The following ULK2 variants were observed in gnomAD, a reference collection of about 807,000 sequenced individuals.
The protein encoded by ULK2 is unc-51 like autophagy activating kinase 2, also known as serine/threonine-protein kinase ULK2.
In ULK2, 76 loss-of-function variants were observed where a neutral mutation model predicts 127.5. That is an observed-to-expected ratio of 0.60 (90% CI 0.50 to 0.72). ULK2 has a LOEUF of 0.72. ULK2 is among the 30% of genes least tolerant of loss of function. ULK2 has a pLI of 0.00. For synonymous variants in ULK2, 452 were observed against 461.9 expected, an observed-to-expected ratio of 0.98 and a Z score of 0.28; for missense variants, 1,144 against 1,295.9, an observed-to-expected ratio of 0.88 and a Z score of 1.80.
intron 22 of ULK2, 125 bp from the exon 23 acceptor site, chr17:19,782,192 A>T (rs537934673): frequency 2.1e-4 from 222 of 1,073,188 alleles, no homozygotes; most frequent in Admixed American, 2.7e-4. Context: ...TGACAAAAGG[A>T]GATTGAAATT....
intron 10 of ULK2, among the ~76,000 whole-genome samples, chr17:19,828,640 A>G (rs2041354301): frequency 2.0e-5 from 3 of 152,252 alleles, no homozygotes. Context: ...ACAACACTAA[A>G]GAGAGCAGTA....
intron 3 of ULK2, among the ~76,000 whole-genome samples, chr17:19,861,584 A>G (rs1172406731): frequency 1.3e-5 from 2 of 152,226 alleles, no homozygotes; most frequent in Non-Finnish European, 2.9e-5. Context: ...TACTTTCAAA[A>G]CAAAACCTAC....
Position 19,783,865 on chromosome 17 carries a change from A to T in ULK2, c.2292T>A (p.Ser764Arg). The T allele has an allele frequency of 6.4e-7, 1 of 1,569,660 alleles. No individual in the cohort carries two copies. Among genetic ancestry groups the T allele is most frequent in the Non-Finnish European group, 8.6e-7 (1 of 1,158,368 alleles). ...SNSGGSLCAMSGRVCVGSPPG... is the reference protein window; with the variant it reads ...SNSGGSLCAMRGRVCVGSPPG... ...GCGGGGACCCCACGCACACGCGGCC[A>T]CTCATGGCACAAAGAGAGCCCCCGG... is the stretch of plus-strand genomic sequence containing the variant. Residue 764 changes from serine (S) to arginine (R), a missense_variant, in exon 22 of 27, where the codon AGT becomes AGA. Physicochemically the swap from Ser to Arg is moderately radical, Grantham distance 110. Around this residue, in one of 2 missense-constraint regions of ULK2, gnomAD observed 913 missense variants for 970.5 expected, o/e 0.94. Transcript: ENST00000395544.
At chr17:19,830,545 T>G (rs751954882) in intron 10 of ULK2, among the ~76,000 whole-genome samples, 2 of 151,600 alleles carry the variant, frequency 1.3e-5, no homozygotes, top group Admixed American at 6.6e-5. Context: ...GATTATCTTT[T>G]CCAATCACAA....
At chr17:19,846,693 T>A in intron 6 of ULK2, 44 bp downstream of exon 6, 2 of 1,510,192 alleles carry the variant, frequency 1.3e-6, no homozygotes, top group Non-Finnish European at 8.8e-7. Flanking sequence ...CTAAAAATAG[T>A]TTCAAAAAAT....
intron 12 of ULK2, among the ~76,000 whole-genome samples, chr17:19,821,614 G>C (rs1414709408): frequency 1.3e-5 from 2 of 152,060 alleles, no homozygotes; most frequent in African/African-American, 2.4e-5. Context: ...TTAAATGTAA[G>C]GTCTATCAAA....
At chr17:19,792,095 T>G (rs1035784082) in intron 20 of ULK2, among the ~76,000 whole-genome samples, 1 of 151,958 alleles carries the variant, frequency 6.6e-6, no homozygotes, top group Admixed American at 6.6e-5. Context: ...AGAGGGAAAT[T>G]TATAGCTAAA....
intron 7 of ULK2, among the ~76,000 whole-genome samples, chr17:19,844,173 G>A (rs2041828363): frequency 6.6e-6 from 1 of 152,070 alleles, no homozygotes; most frequent in African/African-American, 2.4e-5. Context: ...GCTTTGTTAC[G>A]GGTATTTTCC....
chr17:19,857,577 T>A (rs1480447074), intron 3 of ULK2, among the ~76,000 whole-genome samples: 4 of 152,232 alleles, frequency 2.6e-5, no homozygotes, highest in Admixed American at 6.5e-5. Flanking sequence ...AAATTAATCA[T>A]CTTTTTCTTG....
rs573712308 is a variant in ULK2, at chr17:19,774,717, A to C, written c.*1632T>G. ...AAGGAAGTACCTGGCTCAACAAGCC[A>C]CTTAATATGTACCCAGCTACACCCT... is the stretch of plus-strand genomic sequence containing the variant. On this transcript the variant is annotated 3_prime_UTR_variant, in exon 27 of 27. Transcript: ENST00000395544. The C allele has an allele frequency of 7.9e-5, 12 of 152,562 alleles. No homozygotes were observed. Among genetic ancestry groups the C allele is most frequent in the African/African-American group, 2.9e-4 (12 of 41,580 alleles). The allele number at this position is 152,562 out of a possible 1,614,324, so 9.5% of individuals were successfully genotyped here.
In ULK2 at chr17:19,795,737, AGTGAT is replaced by A; in HGVS notation, c.1998-17_1998-13del. 1 of 1,608,902 alleles carries A rather than the reference AGTGAT, an allele frequency of 6.2e-7. No homozygotes were observed. The highest frequency in any genetic ancestry group is 8.5e-7 in the Non-Finnish European group (1 of 1,175,368). On this transcript the variant is annotated splice_polypyrimidine_tract_variant and intron_variant, in intron 19 of 26. Transcript: ENST00000395544. ...CGGTACTGACAGATCTAAAAAGAAT[AGTGAT>A]GTTTTTAATAAAGGAAAAGTATACT...
At chr17:19,809,660 C>T (rs1286168531) in intron 14 of ULK2, among the ~76,000 whole-genome samples, 1 of 133,456 alleles carries the variant, frequency 7.5e-6, no homozygotes, top group South Asian at 2.4e-4. Context: ...TTGAACCCGG[C>T]AGGTAGAAGT....
intron 3 of ULK2, among the ~76,000 whole-genome samples, chr17:19,855,377 C>A (rs1426566516): frequency 6.6e-6 from 1 of 151,268 alleles, no homozygotes; most frequent in African/African-American, 2.4e-5. Context: ...GCACTCCAGC[C>A]TGGGTGACAG....
rs940925302 is a variant in ULK2 at position 19,839,200 on chromosome 17, G to A, written c.705-617C>T. The stretch of plus-strand genomic sequence containing the variant: ...TAGCTTCAATCTTGCACTAATAGTT[G>A]TTATAATGTTCTCTATTACAAAGTA... On this transcript the variant is annotated intron_variant, in intron 9 of 26. Coordinates refer to ENST00000395544, the MANE Select transcript of ULK2 (RefSeq NM_014683.4). 6.6e-5 allele frequency among the ~76,000 whole-genome samples: 10 copies of A among 152,064 alleles called. No individual in the cohort carries two copies. In the East Asian group the frequency reaches 1.9e-3, roughly 29 times the overall value.
chr17:19,841,174 A>G (rs2041743871), intron 9 of ULK2, among the ~76,000 whole-genome samples: 1 of 152,162 alleles, frequency 6.6e-6, no homozygotes, highest in Non-Finnish European at 1.5e-5. Flanking sequence ...CCCTAAAGAG[A>G]GCAAAGCTGG....
intron 12 of ULK2, among the ~76,000 whole-genome samples, chr17:19,821,619 A>G (rs2041147317): frequency 6.6e-6 from 1 of 152,228 alleles, no homozygotes; most frequent in South Asian, 2.1e-4. Flanking sequence ...TGTAAGGTCT[A>G]TCAAACCATA....
At chr17:19,790,515 T>C (rs9894723) in intron 20 of ULK2, among the ~76,000 whole-genome samples, 7,586 of 150,916 alleles carry the variant, frequency 0.05, 543 homozygotes, top group East Asian at 0.15. Context: ...ACACAAAAAA[T>C]AGAAACCAAG....
intron 15 of ULK2, among the ~76,000 whole-genome samples, chr17:19,802,769 T>C (rs957756407): frequency 3.3e-5 from 5 of 152,242 alleles, no homozygotes; most frequent in Non-Finnish European, 2.9e-5. Flanking sequence ...ACCAGATTAA[T>C]GAACTCATAC....
At chr17:19,832,888 C>T (rs925856981) in intron 10 of ULK2, among the ~76,000 whole-genome samples, 10 of 151,990 alleles carry the variant, frequency 6.6e-5, no homozygotes, top group Non-Finnish European at 1.3e-4. Flanking sequence ...TTTGGGAGGC[C>T]GAGGCAGGTG....
Sources: gnomAD v4.1 joint callset for allele counts (sites outside exome capture counted in the v4.1 genomes callset) on GRCh38, gnomAD v4.1.1 for gene constraint, gnomAD v4.1.1 regional missense constraint, MANE v1.5 for transcripts, NCBI Gene and HGNC (gene_info 2026-07-23, HGNC 2026-07-21) for gene names.